The following OSBPL10 variants were observed in gnomAD, a reference collection of about 807,000 sequenced individuals.
OSBPL10 encodes the protein oxysterol binding protein like 10.
OSBPL10 carries 49 observed loss-of-function variants against 81.7 expected under a neutral mutation model. The observed-to-expected ratio is 0.60, with a 90% confidence interval of 0.48 to 0.76. The LOEUF (loss-of-function observed/expected upper bound fraction) is 0.76, where lower values mean the gene tolerates loss of function less well. Ranked by LOEUF, OSBPL10 falls within the 30% of genes least tolerant of loss-of-function variation. The pLI is 0.00. For missense variants in OSBPL10, 923 were observed against 987.8 expected, an observed-to-expected ratio of 0.93 and a Z score of 0.88; for synonymous variants, 419 against 383.6, an observed-to-expected ratio of 1.09 and a Z score of -1.08.
At chr3:31,885,910 G>A (rs374134678) in intron 1 of OSBPL10, among the ~76,000 whole-genome samples, 171 of 147,216 alleles carry the variant, frequency 1.2e-3, no homozygotes, top group South Asian at 0.011. Flanking sequence ...CAGGAGAATC[G>A]CTTGAACCCA....
At chr3:31,871,863 AACAC>A (rs146056634) in intron 3 of OSBPL10, among the ~76,000 whole-genome samples, 10 of 151,892 alleles carry the variant, frequency 6.6e-5, no homozygotes, top group South Asian at 2.1e-4. Context: ...CCTGTCTCAA[AACAC>A]ACACACACAC....
chr3:31,685,073 T>C (rs1700757601), intron 7 of OSBPL10, among the ~76,000 whole-genome samples: 1 of 152,186 alleles, frequency 6.6e-6, no homozygotes, highest in African/African-American at 2.4e-5. Flanking sequence ...TGTAAGTCAC[T>C]TAAAGCAACT....
chr3:31,761,039 CGT>C (rs1698021936), intron 4 of OSBPL10, among the ~76,000 whole-genome samples: 1 of 151,978 alleles, frequency 6.6e-6, no homozygotes, highest in African/African-American at 2.4e-5. Context: ...TATTCTCAGT[CGT>C]GTGTGAGCTG....
intron 3 of OSBPL10, among the ~76,000 whole-genome samples, chr3:31,867,226 A>G (rs75515831): frequency 1.2e-3 from 190 of 152,292 alleles, no homozygotes; most frequent in African/African-American, 4.5e-3. Flanking sequence ...AGTAAGCGCC[A>G]GGAGAGAGTC....
intron 2 of OSBPL10, among the ~76,000 whole-genome samples, chr3:32,043,143 G>A (rs930212944): frequency 6.6e-6 from 1 of 152,118 alleles, no homozygotes; most frequent in African/African-American, 2.4e-5. Flanking sequence ...CACTCCCAGA[G>A]CAGCTGTTTA....
chr3:31,801,021 A>G (rs1489861449), intron 4 of OSBPL10, among the ~76,000 whole-genome samples: 1 of 151,080 alleles, frequency 6.6e-6, no homozygotes, highest in African/African-American at 2.4e-5. Context: ...TTTTTAATAC[A>G]TAAAGATAAG....
chr3:32,029,198 A>G (rs992061859), intron 2 of OSBPL10, among the ~76,000 whole-genome samples: 12 of 152,138 alleles, frequency 7.9e-5, no homozygotes, highest in Admixed American at 3.3e-4. Context: ...ATGCCAACAT[A>G]TAAAACCCCA....
chr3:32,043,087 G>A (rs538290287), intron 2 of OSBPL10, among the ~76,000 whole-genome samples: 1 of 151,958 alleles, frequency 6.6e-6, no homozygotes, highest in Admixed American at 6.6e-5. Flanking sequence ...GGTACTGCAG[G>A]AGACCAGGGC....
chr3:31,674,146 G>A (rs1325530058), intron 8 of OSBPL10, among the ~76,000 whole-genome samples: 1 of 152,134 alleles, frequency 6.6e-6, no homozygotes, highest in African/African-American at 2.4e-5. Flanking sequence ...CCTAGTGAGA[G>A]GTGTTTATGT....
intron 5 of OSBPL10, among the ~76,000 whole-genome samples, chr3:31,735,337 GGCT>G (rs933410205): frequency 6.6e-6 from 1 of 152,154 alleles, no homozygotes; most frequent in African/African-American, 2.4e-5. Flanking sequence ...CTACATGAGA[GGCT>G]GAAGTGACAG....
At chr3:32,055,845 GC>G (rs1232528511) in intron 1 of OSBPL10, among the ~76,000 whole-genome samples, 1 of 152,100 alleles carries the variant, frequency 6.6e-6, no homozygotes, top group Non-Finnish European at 1.5e-5. Context: ...AGGCCCAGGA[GC>G]CCCAAGTTAT....
At chr3:31,936,377 G>C (rs1697380343) in intron 1 of OSBPL10, among the ~76,000 whole-genome samples, 1 of 152,100 alleles carries the variant, frequency 6.6e-6, no homozygotes, top group African/African-American at 2.4e-5. Flanking sequence ...CCTCATGTTA[G>C]CTAAATGCTG....
intron 4 of OSBPL10, among the ~76,000 whole-genome samples, chr3:31,809,260 T>C (rs575534670): frequency 5.3e-5 from 8 of 152,180 alleles, no homozygotes; most frequent in Non-Finnish European, 1.0e-4. Flanking sequence ...GGGGAATACA[T>C]GCAATCCACA....
At position 31,895,134 on chromosome 3, in the gene OSBPL10, C is replaced by CTTT. The variant is rs10529845; in HGVS notation, c.282-15307_282-15305dup. 9.4e-4 allele frequency among the ~76,000 whole-genome samples: 117 copies of CTTT among 124,892 alleles called. 1 individual carries two copies. The South Asian group carries it at 0.027, about 29-fold the overall frequency. The allele number at this position is 124,892 out of a possible 152,430, so 81.9% of individuals were successfully genotyped here. On this transcript the variant is annotated intron_variant, in intron 1 of 11. Transcript: ENST00000396556. The stretch of plus-strand genomic sequence containing the variant: ...GCTGCATATTAGAATTCTCTGCGGC[C>CTTT]TTTTTTTTTTTTTTTTTTAGACGGA...
intron 1 of OSBPL10, among the ~76,000 whole-genome samples, chr3:31,901,935 CAGG>C (rs1696254794): frequency 6.6e-6 from 1 of 152,150 alleles, no homozygotes; most frequent in South Asian, 2.1e-4. Context: ...AAGGCTGAGA[CAGG>C]AGAACTACTT....
intron 4 of OSBPL10, among the ~76,000 whole-genome samples, chr3:31,809,569 C>T (rs562706344): frequency 3.0e-4 from 45 of 152,300 alleles, no homozygotes; most frequent in Non-Finnish European, 5.7e-4. Context: ...GTTTTAAAAG[C>T]TAGACATGCT....
chr3:32,076,442 T>G (rs920609844), intron 1 of OSBPL10, among the ~76,000 whole-genome samples: 4 of 151,756 alleles, frequency 2.6e-5, no homozygotes, highest in African/African-American at 7.3e-5. Context: ...CCAGGTGAAA[T>G]AAACAGCCTC....
chr3:32,044,519 A>ATCACTTGAGCTCT (rs1280627984), intron 2 of OSBPL10, among the ~76,000 whole-genome samples: 13 of 151,546 alleles, frequency 8.6e-5, no homozygotes, highest in African/African-American at 3.1e-4. Flanking sequence ...AGGCGGGCAG[A>ATCACTTGAGCTCT]TCACTTGAGC....
Position 31,668,713 on chromosome 3 carries a change from G to A in OSBPL10, c.2025C>T (p.Ile675=), listed in dbSNP as rs1490914255. The A allele has an allele frequency of 5.6e-6, 9 of 1,614,068 alleles. No individual in the cohort carries two copies. The highest frequency in any genetic ancestry group is 1.6e-4 in the Middle Eastern group (1 of 6,062). Residue 675 remains isoleucine (I), a synonymous_variant, in exon 10 of 12, where the codon ATC becomes ATT. Transcript: ENST00000396556. ...FTYNNGETKV[I]DTTTLPVYPK... is the part of the protein sequence containing the mutation. ...GATACACTGGCAGTGTGGTTGTGTC[G>A]ATGACTTTGGTTTCTCCATTGTTGT... is the stretch of plus-strand genomic sequence containing the variant.
Sources: gnomAD v4.1 joint callset for allele counts (sites outside exome capture counted in the v4.1 genomes callset) on GRCh38, gnomAD v4.1.1 for gene constraint, MANE v1.5 for transcripts, NCBI Gene and HGNC (gene_info 2026-07-23, HGNC 2026-07-21) for gene names.